The following NPAS3 variants were observed in gnomAD, a reference collection of about 807,000 sequenced individuals.
The protein encoded by NPAS3 is neuronal PAS domain-containing protein 3.
NPAS3 carries 14 observed loss-of-function variants against 73.1 expected under a neutral mutation model. The ratio of observed to expected loss-of-function variants is 0.19; its 90% CI spans 0.13 to 0.30. NPAS3 has a LOEUF of 0.30. Ranked by LOEUF, NPAS3 falls within the 10% of genes least tolerant of loss-of-function variation. NPAS3 has a pLI of 1.00. For synonymous variants in NPAS3, 620 were observed against 541.5 expected (o/e 1.14, Z -2.01); for missense variants, 1,096 against 1,250.0 (o/e 0.88, Z 1.86).
At chr14:33,413,544 G>A (rs1223455365) in intron 4 of NPAS3, among the ~76,000 whole-genome samples, 7 of 152,068 alleles carry the variant, frequency 4.6e-5, no homozygotes, top group Admixed American at 6.6e-5. Context: ...AGCGTGTGGG[G>A]CATCGGAAGC....
At chr14:33,737,764 A>T (rs1431789627) in intron 7 of NPAS3, among the ~76,000 whole-genome samples, 1 of 152,164 alleles carries the variant, frequency 6.6e-6, no homozygotes, top group Non-Finnish European at 1.5e-5. Context: ...CTCAGTGAGT[A>T]AATCTAGCAG....
At chr14:32,996,944 C>T (rs548082532) in intron 1 of NPAS3, among the ~76,000 whole-genome samples, 33 of 152,246 alleles carry the variant, frequency 2.2e-4, no homozygotes, top group Middle Eastern at 3.4e-3. Flanking sequence ...CACCGTGTAT[C>T]GGGAAAAGCC....
At chr14:33,702,702 C>G (rs2060554429) in intron 6 of NPAS3, among the ~76,000 whole-genome samples, 1 of 152,014 alleles carries the variant, frequency 6.6e-6, no homozygotes, top group Non-Finnish European at 1.5e-5. Flanking sequence ...GTATGTGGAA[C>G]CTGAAGGGGA....
chr14:33,776,521 T>TAAAAAAAA lies in NPAS3; in HGVS notation c.1047-1912_1047-1905dup, dbSNP rs552348267. ...CTGCTTTTGGCGTTTTTCTTCCTCT[T>TAAAAAAAA]AAAAAAAAAAAAAAAAAAAAAAAAA... On this transcript the variant is annotated intron_variant, in intron 8 of 11. Coordinates refer to ENST00000356141, the Ensembl canonical transcript of NPAS3. Among the ~76,000 whole-genome samples, 29 of 32,060 alleles carry TAAAAAAAA rather than the reference T, an allele frequency of 9.0e-4. 4 individuals are homozygous for TAAAAAAAA. Among genetic ancestry groups the TAAAAAAAA allele is most frequent in the East Asian group, 2.2e-3 (2 of 896 alleles). The allele number at this position is 32,060 out of a possible 152,430, so 21.0% of individuals were successfully genotyped here.
chr14:33,192,786 T>A (rs1192646173), intron 2 of NPAS3, among the ~76,000 whole-genome samples: 1 of 152,236 alleles, frequency 6.6e-6, no homozygotes, highest in East Asian at 1.9e-4. Context: ...GTGATTGCAC[T>A]GTCGAGACGT....
At chr14:33,350,523 G>C (rs1367134845) in intron 3 of NPAS3, among the ~76,000 whole-genome samples, 1 of 152,148 alleles carries the variant, frequency 6.6e-6, no homozygotes, top group Non-Finnish European at 1.5e-5. Context: ...TAAAAAGTAG[G>C]ACCCCCCTCT....
chr14:33,520,262 G>A (rs776678933), intron 4 of NPAS3, among the ~76,000 whole-genome samples: 5 of 152,094 alleles, frequency 3.3e-5, no homozygotes, highest in Non-Finnish European at 5.9e-5. Flanking sequence ...AGGAGGCTAC[G>A]TTTCAGTGGT....
intron 3 of NPAS3, among the ~76,000 whole-genome samples, chr14:33,242,303 T>A (rs759151277): frequency 2.6e-5 from 4 of 152,078 alleles, no homozygotes; most frequent in Non-Finnish European, 4.4e-5. Flanking sequence ...ACAGTAGACG[T>A]GTCAAGTACC....
intron 7 of NPAS3, among the ~76,000 whole-genome samples, chr14:33,772,008 A>AT (rs1397648085): frequency 4.6e-5 from 7 of 152,330 alleles, no homozygotes; most frequent in African/African-American, 1.7e-4. Context: ...CTGAAAATAA[A>AT]AAGGGAAAGG....
At chr14:32,941,508 T>C (rs368439738) in intron 1 of NPAS3, among the ~76,000 whole-genome samples, 1 of 151,322 alleles carries the variant, frequency 6.6e-6, no homozygotes, top group African/African-American at 2.4e-5. Flanking sequence ...TGTGCATGAG[T>C]GCGTTCTTTA....
intron 1 of NPAS3, among the ~76,000 whole-genome samples, chr14:32,969,311 G>A (rs2037323108): frequency 6.6e-6 from 1 of 152,120 alleles, no homozygotes; most frequent in African/African-American, 2.4e-5. Context: ...GTTGGACTTA[G>A]AAACCAACCC....
intron 1 of NPAS3, among the ~76,000 whole-genome samples, chr14:32,995,762 A>C (rs1011471912): frequency 1.3e-5 from 2 of 152,202 alleles, no homozygotes; most frequent in Non-Finnish European, 2.9e-5. Context: ...TTCTCCAGCC[A>C]TGTGGAACTG....
intron 1 of NPAS3, among the ~76,000 whole-genome samples, chr14:32,957,360 G>T (rs116796512): frequency 0.022 from 3,245 of 150,524 alleles, 115 homozygotes; most frequent in African/African-American, 0.075. Context: ...GTTATTATAA[G>T]TATTCATTTT....
intron 2 of NPAS3, among the ~76,000 whole-genome samples, chr14:33,136,530 A>G (rs1473229421): frequency 6.6e-6 from 1 of 152,176 alleles, no homozygotes; most frequent in Non-Finnish European, 1.5e-5. Flanking sequence ...TTTTAATGAG[A>G]TAAGTGGTAG....
rs369923293 is a variant in NPAS3, at chr14:33,481,308, G to C, written c.469-78813G>C. On this transcript the variant is annotated intron_variant, in intron 4 of 11. Coordinates refer to ENST00000356141, the Ensembl canonical transcript of NPAS3. ...CACAAAGTATCTTCACAAGTTTAAC[G>C]GAGTCTATCAGTGCTGCTCATGTGA... Among the ~76,000 whole-genome samples the C allele has an allele frequency of 9.9e-5, 15 of 152,174 alleles. No individual in the cohort carries two copies. In the East Asian group the frequency reaches 1.9e-3, roughly 20 times the overall value.
chr14:33,620,565 A>G (rs912292878), intron 5 of NPAS3, among the ~76,000 whole-genome samples: 3 of 152,320 alleles, frequency 2.0e-5, no homozygotes, highest in South Asian at 4.1e-4. Flanking sequence ...AGAAATGGCA[A>G]AGATGAATGT....
At chr14:33,666,260 T>C (rs1817167315) in intron 5 of NPAS3, among the ~76,000 whole-genome samples, 1 of 152,190 alleles carries the variant, frequency 6.6e-6, no homozygotes, top group South Asian at 2.1e-4. Context: ...CCCCTGCTCT[T>C]ATAAGCTCCA....
At chr14:33,784,725 A>AT (rs2063090660) in intron 9 of NPAS3, among the ~76,000 whole-genome samples, 1 of 92,136 alleles carries the variant, frequency 1.1e-5, no homozygotes, top group African/African-American at 5.3e-5. Context: ...TGTTATTTTT[A>AT]TTTATTTATT....
At chr14:33,031,245 C>G (rs2039977309) in intron 1 of NPAS3, among the ~76,000 whole-genome samples, 1 of 152,186 alleles carries the variant, frequency 6.6e-6, no homozygotes, top group African/African-American at 2.4e-5. Context: ...TGTTCTGTCA[C>G]TAAACATCTT....
Sources: gnomAD v4.1 joint callset for allele counts (sites outside exome capture counted in the v4.1 genomes callset) on GRCh38, gnomAD v4.1.1 for gene constraint, MANE v1.5 for transcripts, NCBI Gene and HGNC (gene_info 2026-07-23, HGNC 2026-07-21) for gene names.